FRMPD4: variants seen among roughly 807,000 people sequenced by gnomAD.
The protein encoded by FRMPD4 is FERM and PDZ domain-containing protein 4.
Under a neutral mutation model 94.1 loss-of-function variants are expected in FRMPD4, and 22 were observed. The observed-to-expected ratio is 0.23, with a 90% CI of 0.17 to 0.33. The LOEUF is 0.33. FRMPD4 is among the 10% of genes least tolerant of loss of function. The probability of loss-of-function intolerance (pLI) is 1.00; values close to 1 mark genes in which losing one functional copy is unlikely to be tolerated. For missense variants in FRMPD4, 1,111 were observed against 1,339.9 expected (o/e 0.83, Z 2.67); for synonymous variants, 631 against 548.6 (o/e 1.15, Z -2.10).
At chrX:12,711,338 T>C (rs1243911598) in intron 14 of FRMPD4, among the ~76,000 whole-genome samples, 2 of 111,645 alleles carry the variant, frequency 1.8e-5, no homozygotes, top group African/African-American at 6.5e-5. Context: ...TGCCTAGCAC[T>C]CGGACTTGGG....
intron 3 of FRMPD4, among the ~76,000 whole-genome samples, chrX:11,973,529 G>T (rs1243001713): frequency 9.0e-6 from 1 of 111,620 alleles, no homozygotes; most frequent in Non-Finnish European, 1.9e-5. Flanking sequence ...TTTTATAGGT[G>T]CTTTAAATAG....
At chrX:12,541,810 T>C (rs1257534843) in intron 2 of FRMPD4, among the ~76,000 whole-genome samples, 1 of 111,475 alleles carries the variant, frequency 9.0e-6, no homozygotes, top group Admixed American at 9.5e-5. Flanking sequence ...TAGACCAATA[T>C]CCCTGATGAA....
intron 3 of FRMPD4, among the ~76,000 whole-genome samples, chrX:11,930,469 T>C (rs1432708967): frequency 1.3e-5 from 1 of 75,377 alleles, no homozygotes; most frequent in Non-Finnish European, 2.9e-5. Context: ...AAGGTGGTCA[T>C]GTGAAGACTG....
chrX:12,506,867 G>A (rs967305053), intron 2 of FRMPD4, among the ~76,000 whole-genome samples: 1 of 112,197 alleles, frequency 8.9e-6, no homozygotes, highest in African/African-American at 3.2e-5. Flanking sequence ...CCTTTGGCTT[G>A]CTGGTGAGTA....
At position 12,716,616 on chromosome X, in the gene FRMPD4, A is replaced by G. The variant is rs2042089002; in HGVS notation, c.2157A>G (p.Ile719Met). Reference sequence around the variant, plus strand: ...TGGAAAATTCTGTTTATGCAAACATAGGCGATGTGAAGAGCTTCCAGGCCG... The same window carrying G: ...TGGAAAATTCTGTTTATGCAAACATGGGCGATGTGAAGAGCTTCCAGGCCG... ...QFVENSVYAN[I>M]GDVKSFQAAE... Residue 719 changes from isoleucine to methionine, a missense_variant, in exon 15 of 17, where the codon ATA becomes ATG. Transcript: ENST00000675598. 3.3e-6 allele frequency: 4 copies of G among 1,209,808 alleles called. No homozygotes were observed. Among genetic ancestry groups the G allele is most frequent in the Non-Finnish European group, 3.4e-6 (3 of 894,981 alleles).
chrX:12,459,926 G>C (rs913280873), intron 1 of FRMPD4, among the ~76,000 whole-genome samples: 1 of 111,539 alleles, frequency 9.0e-6, no homozygotes, highest in Non-Finnish European at 1.9e-5. Context: ...ATATATGAGA[G>C]TCCAGTTGAT....
intron 3 of FRMPD4, among the ~76,000 whole-genome samples, chrX:11,980,821 CAT>C (rs1251271811): frequency 1.8e-5 from 2 of 111,768 alleles, no homozygotes; most frequent in Non-Finnish European, 1.9e-5. Context: ...GTTTCTTTGA[CAT>C]ATTGCTTACA....
At chrX:12,169,343 T>G (rs17281341) in intron 1 of FRMPD4, among the ~76,000 whole-genome samples, 26,628 of 111,355 alleles carry the variant, frequency 0.24, 2,310 homozygotes, top group South Asian at 0.38. Flanking sequence ...CCAATAATCA[T>G]TGTCATTGGG....
intron 1 of FRMPD4, among the ~76,000 whole-genome samples, chrX:12,486,600 C>A (rs1293893928): frequency 8.9e-6 from 1 of 112,493 alleles, no homozygotes; most frequent in African/African-American, 3.2e-5. Context: ...CAATTTGTAA[C>A]TCTGTGCTCT....
At chrX:12,032,033 T>C (rs992497643) in intron 3 of FRMPD4, among the ~76,000 whole-genome samples, 5 of 111,491 alleles carry the variant, frequency 4.5e-5, no homozygotes, top group African/African-American at 1.6e-4. Flanking sequence ...GGTGGCATCA[T>C]CCACTAAGAC....
intron 5 of FRMPD4, among the ~76,000 whole-genome samples, chrX:12,679,419 A>C (rs1247754065): frequency 9.0e-6 from 1 of 111,474 alleles, no homozygotes; most frequent in Non-Finnish European, 1.9e-5. Context: ...CCAGACAGAG[A>C]GGTTAGAGCC....
chrX:12,440,174 AATG>A (rs2057119050), intron 1 of FRMPD4, among the ~76,000 whole-genome samples: 1 of 112,244 alleles, frequency 8.9e-6, no homozygotes, highest in African/African-American at 3.2e-5. Context: ...TGCAACAGAT[AATG>A]ATGTAGTATA....
At chrX:12,053,359 GAAGAAAGAAAGAAAGAAAGA>G (rs57459327) in intron 3 of FRMPD4, among the ~76,000 whole-genome samples, 880 of 51,420 alleles carry the variant, frequency 0.017, 10 homozygotes, top group Middle Eastern at 0.028. Flanking sequence ...AGGAAAGAAA[GAAGAAAGAAAGAAAGAAAGA>G]AAGAAAGAAA....
intron 1 of FRMPD4, among the ~76,000 whole-genome samples, chrX:12,171,705 G>C (rs2056228614): frequency 1.8e-5 from 2 of 112,238 alleles, no homozygotes; most frequent in African/African-American, 6.5e-5. Context: ...GCAAGCCGAT[G>C]AGCGTGGGAC....
chrX:12,137,313 TA>T (rs768443458), upstream of FRMPD4, among the ~76,000 whole-genome samples: 2 of 112,330 alleles, frequency 1.8e-5, no homozygotes, highest in African/African-American at 3.2e-5. Flanking sequence ...AATAAATGCT[TA>T]AAAAAAACGC....
chrX:12,067,898 A>T (rs1468574342), intron 3 of FRMPD4, among the ~76,000 whole-genome samples: 24 of 111,729 alleles, frequency 2.1e-4, no homozygotes, highest in Non-Finnish European at 1.5e-4. Context: ...CTAATCCCAG[A>T]ACCAGTAAAT....
chrX:11,967,463 C>T, intron 3 of FRMPD4, among the ~76,000 whole-genome samples: 1 of 112,448 alleles, frequency 8.9e-6, no homozygotes, highest in African/African-American at 3.2e-5. Context: ...TTAATCAGAG[C>T]AGTGCTTTTC....
chrX:12,592,986 T>C (rs2058996830), intron 2 of FRMPD4, among the ~76,000 whole-genome samples: 1 of 111,889 alleles, frequency 8.9e-6, no homozygotes, highest in Admixed American at 9.5e-5. Flanking sequence ...ACCTTTCTCC[T>C]CAATTCTTCC....
At chrX:12,318,835 C>A in intron 1 of FRMPD4, among the ~76,000 whole-genome samples, 1 of 109,567 alleles carries the variant, frequency 9.1e-6, no homozygotes, top group Admixed American at 9.7e-5. Flanking sequence ...TTTAATTACC[C>A]AGATTCGATC....
Sources: allele counts gnomAD v4.1 joint callset (sites outside exome capture counted in the v4.1 genomes callset), GRCh38; gene constraint gnomAD v4.1.1; transcripts MANE v1.5; gene names NCBI Gene and HGNC (gene_info 2026-07-23, HGNC 2026-07-21).